TRIM8: variants seen among roughly 807,000 people sequenced by gnomAD.
The protein encoded by TRIM8 is E3 ubiquitin-protein ligase TRIM8.
A neutral mutation model predicts 55.7 loss-of-function variants in TRIM8; 9 were observed. That is an observed-to-expected ratio of 0.16 (90% confidence interval 0.10 to 0.28). The LOEUF is 0.28. Among genes scored for constraint, TRIM8 ranks in the 10% least tolerant of loss-of-function variants. The probability of loss-of-function intolerance (pLI) is 1.00; values close to 1 mark genes in which losing one functional copy is unlikely to be tolerated. For synonymous variants in TRIM8, 335 were observed against 333.3 expected (o/e 1.01, Z -0.06); for missense variants, 556 against 736.4 (o/e 0.76, Z 2.83).
chr10:102,652,710 A>G (rs1322903569), intron 1 of TRIM8, among the ~76,000 whole-genome samples: 1 of 152,062 alleles, frequency 6.6e-6, no homozygotes, highest in African/African-American at 2.4e-5. Context: ...CTTCTGCATG[A>G]TGGTAACATT....
Position 102,645,130 on chromosome 10 carries a change from C to A in TRIM8, c.513C>A (p.Ser171Arg). The change falls in exon 1 of 6, where the codon AGC becomes AGA. Residue 171 changes from serine (S) to arginine (R), a missense_variant. Ser to Arg is a moderately radical substitution (Grantham distance 110). Coordinates refer to ENST00000643721, the MANE Select transcript of TRIM8 (RefSeq NM_030912.3). ...TGTGCCAGTACTGCTGCTACTACAG[C>A]GGCGCGCATCAGGGACACTCGGTGT... ...VAVCQYCCYYSGAHQGHSVCD... is the reference protein window; with the variant it reads ...VAVCQYCCYYRGAHQGHSVCD... The A allele has an allele frequency of 6.3e-7, 1 of 1,584,394 alleles. No individual in the cohort carries two copies. The highest frequency in any genetic ancestry group is 8.5e-7 in the Non-Finnish European group (1 of 1,173,132).
chr10:102,657,087 C>T lies in TRIM8; in HGVS notation c.1389C>T (p.Arg463=). The T allele has an allele frequency of 6.2e-7, 1 of 1,613,732 alleles. No individual in the cohort carries two copies. Among genetic ancestry groups the T allele is most frequent in the Non-Finnish European group, 8.5e-7 (1 of 1,180,004 alleles). ...QQPMLPQYGG[R]KILVCSVDNC... is the part of the protein sequence containing the mutation. ...CCATGCTCCCCCAGTATGGCGGCCG[C>T]AAGATTCTCGTCTGTTCTGTGGACA... Residue 463 remains arginine (R), a synonymous_variant, in exon 6 of 6, where the codon CGC becomes CGT. Transcript: ENST00000643721.
At chr10:102,649,654 A>G (rs1054526985) in intron 1 of TRIM8, among the ~76,000 whole-genome samples, 3 of 151,896 alleles carry the variant, frequency 2.0e-5, no homozygotes, top group Admixed American at 2.0e-4. Flanking sequence ...TCCACTCTGC[A>G]GCTGGGAAGC....
At chr10:102,651,315 G>A (rs1005459578) in intron 1 of TRIM8, among the ~76,000 whole-genome samples, 1 of 152,208 alleles carries the variant, frequency 6.6e-6, no homozygotes, top group Admixed American at 6.5e-5. Flanking sequence ...AGGAAAGCCC[G>A]GAAGAAGAGG....
In TRIM8 at chr10:102,644,779, G is replaced by GTGCAACCAGGCC; in HGVS notation, c.164_175dup (p.Cys55_Ala58dup). 1 of 1,613,352 alleles carries GTGCAACCAGGCC rather than the reference G, an allele frequency of 6.2e-7. No individual in the cohort carries two copies. Among genetic ancestry groups the GTGCAACCAGGCC allele is most frequent in the Non-Finnish European group, 8.5e-7 (1 of 1,179,886 alleles). On this transcript the variant is annotated inframe_insertion, in exon 1 of 6. Coordinates refer to ENST00000643721, the MANE Select transcript of TRIM8 (RefSeq NM_030912.3). ...ACAGCGGCCTCGTACGCTGCCCAGAGTGCAACCAGGCCTACAACCAGAAGC... is the reference window on the plus strand; with the variant it reads ...ACAGCGGCCTCGTACGCTGCCCAGAGTGCAACCAGGCCTGCAACCAGGCCTACAACCAGAAGC...
At position 102,656,014 on chromosome 10, in the gene TRIM8, G is replaced by A. The variant is rs2064020296; in HGVS notation, c.901-92G>A. The A allele has an allele frequency of 2.5e-6, 4 of 1,591,924 alleles. No homozygotes were observed. The highest frequency in any genetic ancestry group is 4.5e-5 in the East Asian group (2 of 44,738). On this transcript the variant is annotated intron_variant, in intron 3 of 5. Transcript: ENST00000643721. The surrounding 1 kb of genome is among the most constrained non-coding windows in gnomAD (Gnocchi z 4.6). ...GAGAGGATCCACCCAGCCTGGGGGA[G>A]GCTCAGGGGGGGCAGCTTTTGTCTT...
intron 1 of TRIM8, among the ~76,000 whole-genome samples, chr10:102,652,455 T>C (rs953703592): frequency 2.0e-4 from 31 of 152,120 alleles, no homozygotes; most frequent in African/African-American, 7.0e-4. Context: ...ACAGTTACTG[T>C]GAATGTCTGT....
intron 2 of TRIM8, 39 bp downstream of exon 2, chr10:102,654,787 C>T (rs1258023831): frequency 1.3e-6 from 2 of 1,503,284 alleles, no homozygotes; most frequent in Non-Finnish European, 1.9e-6. Context: ...GTGGGGGTGG[C>T]TTGAGCGCAG....
chr10:102,645,250 C>G, intron 1 of TRIM8, 63 bp downstream of exon 1: 1 of 1,423,860 alleles, frequency 7.0e-7, no homozygotes, highest in African/African-American at 1.5e-5. Context: ...CTTCCTCTCT[C>G]CCGCCCCGGG....
intron 1 of TRIM8, among the ~76,000 whole-genome samples, chr10:102,648,277 A>AC (rs1263320625): frequency 1.3e-5 from 2 of 151,218 alleles, no homozygotes; most frequent in Non-Finnish European, 2.9e-5. Context: ...TTATCTCATG[A>AC]CCCCCCATGA....
At position 102,658,010 on chromosome 10, in the gene TRIM8, G is replaced by T. The variant is rs1458949825; in HGVS notation, c.*656G>T. 6.6e-6 allele frequency: 1 copy of T among 152,284 alleles called. No homozygotes were observed. The highest frequency in any genetic ancestry group is 2.4e-5 in the African/African-American group (1 of 41,332). 9.4% of individuals were successfully genotyped at this position (152,284 alleles called of 1,614,324 possible). ...TTAAAGACAGGACCCCTATGTCCAG[G>T]AAAGGGGAAAAGGAACTTTGCCAAT... is the stretch of plus-strand genomic sequence containing the variant. On this transcript the variant is annotated 3_prime_UTR_variant, in exon 6 of 6. Transcript: ENST00000643721.
chr10:102,647,270 G>A (rs988429014), intron 1 of TRIM8, among the ~76,000 whole-genome samples: 1 of 152,208 alleles, frequency 6.6e-6, no homozygotes, highest in Non-Finnish European at 1.5e-5. Flanking sequence ...GCATGCGCGT[G>A]CTTTCTTGTG....
At chr10:102,647,258 G>A (rs901108851) in intron 1 of TRIM8, among the ~76,000 whole-genome samples, 6 of 152,204 alleles carry the variant, frequency 3.9e-5, no homozygotes, top group African/African-American at 7.2e-5. Context: ...GTGCGTGCGC[G>A]TGCATGCGCG....
At chr10:102,645,466 T>G in intron 1 of TRIM8, 2 of 326,216 alleles carry the variant, frequency 6.1e-6, no homozygotes, top group South Asian at 6.5e-5. Flanking sequence ...AGTCTGGGTG[T>G]TGCTTTTCTG....
chr10:102,651,830 A>G (rs1443525073), intron 1 of TRIM8, among the ~76,000 whole-genome samples: 2 of 152,170 alleles, frequency 1.3e-5, no homozygotes, highest in African/African-American at 4.8e-5. Context: ...GCCTCTTGCC[A>G]TTGTCTGGGG....
intron 1 of TRIM8, among the ~76,000 whole-genome samples, chr10:102,646,247 G>T (rs552886021): frequency 6.6e-6 from 1 of 152,290 alleles, no homozygotes; most frequent in Non-Finnish European, 1.5e-5. Flanking sequence ...CAAAATGAAG[G>T]GGTTGGCCTG....
At chr10:102,646,895 G>A (rs944970363) in intron 1 of TRIM8, among the ~76,000 whole-genome samples, 4 of 152,230 alleles carry the variant, frequency 2.6e-5, no homozygotes, top group African/African-American at 4.8e-5. Flanking sequence ...GGCGATGGGC[G>A]GATGCCTGCC....
rs2064043171 is a variant in TRIM8 at position 102,658,044 on chromosome 10, C to T, written c.*690C>T. The T allele has an allele frequency of 6.6e-6, 1 of 151,904 alleles. No homozygotes were observed. The highest frequency in any genetic ancestry group is 1.5e-5 in the Non-Finnish European group (1 of 67,868). The allele number at this position is 151,904 out of a possible 1,614,324, so 9.4% of individuals were successfully genotyped here. A position where few individuals can be genotyped will look rare whatever the true frequency, so the allele number is the denominator to read the frequency against. The stretch of plus-strand genomic sequence containing the variant: ...AAAGGAACTTTGCCAATGATAGTGA[C>T]CACAGCAAAAGCAAATAATAATAAT... On this transcript the variant is annotated 3_prime_UTR_variant, in exon 6 of 6. Transcript: ENST00000643721.
At chr10:102,655,042 CT>C (rs748623941) in intron 2 of TRIM8, 37 bp from the exon 3 acceptor site, 1 of 1,606,818 alleles carries the variant, frequency 6.2e-7, no homozygotes, top group African/African-American at 1.3e-5. Context: ...GTTTCCAGTG[CT>C]TACCTGCCTG....
Sources: gnomAD v4.1 joint callset for allele counts (sites outside exome capture counted in the v4.1 genomes callset) on GRCh38, gnomAD v4.1.1 for gene constraint, Gnocchi (gnomAD v3.1) non-coding constraint, MANE v1.5 for transcripts, NCBI Gene and HGNC (gene_info 2026-07-23, HGNC 2026-07-21) for gene names.